ZSCAN1: variants seen among roughly 807,000 people sequenced by gnomAD.
ZSCAN1 encodes the protein zinc finger and SCAN domain-containing protein 1.
In ZSCAN1, 23 loss-of-function variants were observed where a neutral mutation model predicts 23.8. That is an observed-to-expected ratio of 0.97 (90% CI 0.70 to 1.37). The LOEUF is 1.37. Among genes scored for constraint, ZSCAN1 ranks in the 40% most tolerant of loss-of-function variants. The pLI, the probability that ZSCAN1 is intolerant of heterozygous loss-of-function variation, is 0.00. For missense variants in ZSCAN1, 575 were observed against 554.0 expected (o/e 1.04, Z -0.38); for synonymous variants, 236 against 232.3 (o/e 1.02, Z -0.15).
At position 58,054,207 on chromosome 19, in the gene ZSCAN1, C is replaced by T; in HGVS notation, c.*156C>T. The T allele has an allele frequency of 9.4e-7, 1 of 1,061,578 alleles. No individual in the cohort carries two copies. The highest frequency in any genetic ancestry group is 1.3e-6 in the Non-Finnish European group (1 of 771,570). 65.8% of individuals were successfully genotyped at this position (1,061,578 alleles called of 1,614,324 possible). A position where few individuals can be genotyped will look rare whatever the true frequency, so the allele number is the denominator to read the frequency against. ...GCTGTTTCTCGGAAGACCCTGGACA[C>T]CTGCTCCGAAGCCAAGCACGGGATG... On this transcript the variant is annotated 3_prime_UTR_variant, in exon 6 of 6. Coordinates refer to ENST00000282326, the MANE Select transcript of ZSCAN1 (RefSeq NM_182572.4). This position sits in a 1 kb window ranked among gnomAD's most constrained non-coding sequence, Gnocchi z 4.2.
chr19:58,045,628 A>C lies in ZSCAN1; in HGVS notation c.465+5084A>C, dbSNP rs932133139. 4.2e-6 allele frequency: 4 copies of C among 951,526 alleles called. No homozygotes were observed. Among genetic ancestry groups the C allele is most frequent in the Non-Finnish European group, 5.2e-6 (3 of 575,850 alleles). 58.9% of individuals were successfully genotyped at this position (951,526 alleles called of 1,614,324 possible). A position where few individuals can be genotyped will look rare whatever the true frequency, so the allele number is the denominator to read the frequency against. ...CCAGCTCACGATGCGGCTGCGCTCC[A>C]TAAAGGCAGAGGACAAGCTGTTTGC... is the stretch of plus-strand genomic sequence containing the variant. On this transcript the variant is annotated intron_variant, in intron 4 of 5. Transcript: ENST00000282326. The surrounding 1 kb of genome is among the most constrained non-coding windows in gnomAD (Gnocchi z 4.3).
chr19:58,037,902 G>A lies in ZSCAN1; in HGVS notation c.66G>A (p.Gln22=). The change falls in exon 3 of 6, where the codon CAG becomes CAA. Residue 22 remains glutamine, a synonymous_variant. Transcript: ENST00000282326. ...RRPQTPTPSE[Q]DADPGPASPR... The stretch of plus-strand genomic sequence containing the variant: ...CCCAGACCCCAACCCCGAGTGAGCA[G>A]GACGCAGACCCTGGGCCAGCAAGCC... 1 of 1,591,672 alleles carries A rather than the reference G, an allele frequency of 6.3e-7. No homozygotes were observed. Among genetic ancestry groups the A allele is most frequent in the Non-Finnish European group, 8.5e-7 (1 of 1,174,720 alleles).
At chr19:58,038,768 C>G (rs1326951142) in intron 3 of ZSCAN1, among the ~76,000 whole-genome samples, 2 of 152,256 alleles carry the variant, frequency 1.3e-5, no homozygotes, top group African/African-American at 2.4e-5. Flanking sequence ...CGTCGAGATT[C>G]CATCCACCCA....
intron 2 of ZSCAN1, among the ~76,000 whole-genome samples, chr19:58,037,016 T>C (rs1339135897): frequency 1.3e-5 from 2 of 152,088 alleles, no homozygotes; most frequent in African/African-American, 4.8e-5. Flanking sequence ...CTCTTCCCAC[T>C]TTCCCTCTCT....
rs1339562736 is a variant in ZSCAN1 at position 58,037,992 on chromosome 19, G to A, written c.156G>A (p.Pro52=). Residue 52 remains proline, a synonymous_variant, in exon 3 of 6, where the codon CCG becomes CCA. Coordinates refer to ENST00000282326, the MANE Select transcript of ZSCAN1 (RefSeq NM_182572.4). ...RQFQYHVASG[P]HLALGQLWTL... ...TCCAGTACCACGTGGCGAGCGGGCCGCACCTCGCGCTGGGCCAGCTCTGGA... is the reference window on the plus strand; with the variant it reads ...TCCAGTACCACGTGGCGAGCGGGCCACACCTCGCGCTGGGCCAGCTCTGGA... 10 of 1,608,392 alleles carry A rather than the reference G, an allele frequency of 6.2e-6. No homozygotes were observed. Among genetic ancestry groups the A allele is most frequent in the South Asian group, 3.3e-5 (3 of 90,974 alleles).
At chr19:58,054,844 A>G (rs1325483018), downstream of ZSCAN1, among the ~76,000 whole-genome samples, 1 of 152,034 alleles carries the variant, frequency 6.6e-6, no homozygotes, top group African/African-American at 2.4e-5. The surrounding 1 kb of genome is among the most constrained non-coding windows in gnomAD (Gnocchi z 4.2). Flanking sequence ...TTTGACTTAC[A>G]GAAGGATTTT....
Position 58,040,435 on chromosome 19 carries a change from C to A in ZSCAN1, c.371-15C>A, listed in dbSNP as rs2073779190. 6.2e-7 allele frequency: 1 copy of A among 1,613,082 alleles called. No individual in the cohort carries two copies. Among genetic ancestry groups the A allele is most frequent in the African/African-American group, 1.3e-5 (1 of 74,906 alleles). On this transcript the variant is annotated splice_polypyrimidine_tract_variant and intron_variant, in intron 3 of 5. Coordinates refer to ENST00000282326, the MANE Select transcript of ZSCAN1 (RefSeq NM_182572.4). The surrounding 1 kb of genome is among the most constrained non-coding windows in gnomAD (Gnocchi z 5.8). ...GAAGAACAGGCCCCTCTCACGATCC[C>A]TTTCTCCCGCACAGTTCTGGTATCT...
Position 58,053,382 on chromosome 19 carries a change from A to G in ZSCAN1, c.605-47A>G, listed in dbSNP as rs899278352. On this transcript the variant is annotated intron_variant, in intron 5 of 5. Transcript: ENST00000282326. This position sits in a 1 kb window ranked among gnomAD's most constrained non-coding sequence, Gnocchi z 5.8. Reference sequence around the variant, plus strand: ...CCCTGGGGAGCACAGGGAGATGCCAAGGCCATCCACTCACTACAGGTGACC... The same window carrying G: ...CCCTGGGGAGCACAGGGAGATGCCAGGGCCATCCACTCACTACAGGTGACC... 4 of 1,565,948 alleles carry G rather than the reference A, an allele frequency of 2.6e-6. No homozygotes were observed. In the African/African-American group the frequency reaches 5.4e-5, roughly 21 times the overall value.
intron 4 of ZSCAN1, among the ~76,000 whole-genome samples, chr19:58,050,357 A>G (rs1472726053): frequency 6.6e-6 from 1 of 151,014 alleles, no homozygotes; most frequent in Non-Finnish European, 1.5e-5. Flanking sequence ...AATCGCTTGA[A>G]CCCAGCGGGT....
At chr19:58,046,503 C>A in intron 4 of ZSCAN1, 1 of 904,826 alleles carries the variant, frequency 1.1e-6, no homozygotes, top group Non-Finnish European at 1.9e-6. Flanking sequence ...GGGAGAACGT[C>A]ATCAGTGTTG....
chr19:58,056,280 C>T (rs567376825), downstream of ZSCAN1, among the ~76,000 whole-genome samples: 10 of 152,358 alleles, frequency 6.6e-5, no homozygotes, highest in East Asian at 1.5e-3. Flanking sequence ...CAGCCCCCAG[C>T]ACTGGGATGG....
chr19:58,052,755 G>C (rs2073866210), intron 5 of ZSCAN1, 127 bp downstream of exon 5: 1 of 1,341,994 alleles, frequency 7.5e-7, no homozygotes, highest in Non-Finnish European at 1.0e-6. Context: ...CCCCCAGAAA[G>C]CATGCACACC....
In ZSCAN1 at chr19:58,045,569, G is replaced by A. The variant is rs1599905211; in HGVS notation, c.465+5025G>A. 1.7e-6 allele frequency: 2 copies of A among 1,198,800 alleles called. No individual in the cohort carries two copies. The highest frequency in any genetic ancestry group is 2.4e-4 in the Middle Eastern group (1 of 4,116). 74.3% of individuals were successfully genotyped at this position (1,198,800 alleles called of 1,614,324 possible). On this transcript the variant is annotated intron_variant, in intron 4 of 5. Coordinates refer to ENST00000282326, the MANE Select transcript of ZSCAN1 (RefSeq NM_182572.4). This position sits in a 1 kb window ranked among gnomAD's most constrained non-coding sequence, Gnocchi z 4.3. Reference sequence around the variant, plus strand: ...TGACACGGCCGCAGCTGGTGGCCCTGTGCAAGCTGCTGGAGCTACAGCTTC... The same window carrying A: ...TGACACGGCCGCAGCTGGTGGCCCTATGCAAGCTGCTGGAGCTACAGCTTC...
chr19:58,038,309 G>T (rs753356060), intron 3 of ZSCAN1, 103 bp downstream of exon 3: 1 of 1,286,422 alleles, frequency 7.8e-7, no homozygotes, highest in East Asian at 3.7e-5. Context: ...ACCCCTGCCC[G>T]GCCCCTCCCG....
rs752107070 is a variant in ZSCAN1, at chr19:58,053,396, C to T, written c.605-33C>T. 8 of 1,583,974 alleles carry T rather than the reference C, an allele frequency of 5.1e-6. No individual in the cohort carries two copies. The highest frequency in any genetic ancestry group is 3.4e-5 in the Admixed American group (2 of 58,556). On this transcript the variant is annotated intron_variant, in intron 5 of 5. Coordinates refer to ENST00000282326, the MANE Select transcript of ZSCAN1 (RefSeq NM_182572.4). The surrounding 1 kb of genome is among the most constrained non-coding windows in gnomAD (Gnocchi z 5.8). ...GGGAGATGCCAAGGCCATCCACTCACTACAGGTGACCCATCTCCCTCGCCC... is the reference window on the plus strand; with the variant it reads ...GGGAGATGCCAAGGCCATCCACTCATTACAGGTGACCCATCTCCCTCGCCC...
chr19:58,042,652 TAG>T (rs2073798121), intron 4 of ZSCAN1, among the ~76,000 whole-genome samples: 1 of 152,144 alleles, frequency 6.6e-6, no homozygotes, highest in Non-Finnish European at 1.5e-5. Context: ...CTAACCTGGG[TAG>T]ACCACAGTTG....
In ZSCAN1 at chr19:58,053,893, C is replaced by T; in HGVS notation, c.1069C>T (p.Pro357Ser). The change falls in exon 6 of 6, where the codon CCC (proline) becomes TCC (serine). Residue 357 changes from proline to serine, a missense_variant. By Grantham distance (74) the Pro-to-Ser change is moderately conservative. Coordinates refer to ENST00000282326, the MANE Select transcript of ZSCAN1 (RefSeq NM_182572.4). The surrounding 1 kb of genome is among the most constrained non-coding windows in gnomAD (Gnocchi z 5.8). ...GAAGAAAGCCCCCCGGAGCAAGGGC[C>T]CCCGGGAGTCCGTCCCACCCAGGGA... ...PRKKAPRSKG[P>S]RESVPPRDGA... The T allele has an allele frequency of 1.2e-6, 2 of 1,613,288 alleles. No individual in the cohort carries two copies. Among genetic ancestry groups the T allele is most frequent in the South Asian group, 2.2e-5 (2 of 91,068 alleles).
intron 3 of ZSCAN1, 124 bp downstream of exon 3, chr19:58,038,330 C>T: frequency 8.1e-7 from 1 of 1,234,334 alleles, no homozygotes; most frequent in Non-Finnish European, 1.1e-6. Context: ...ACCAGCAAAC[C>T]TCTCCTGCCC....
In ZSCAN1 at chr19:58,045,624, C is replaced by T. The variant is rs2073820234; in HGVS notation, c.465+5080C>T. 2 of 961,768 alleles carry T rather than the reference C, an allele frequency of 2.1e-6. No homozygotes were observed. Among genetic ancestry groups the T allele is most frequent in the Non-Finnish European group, 3.4e-6 (2 of 585,070 alleles). 59.6% of individuals were successfully genotyped at this position (961,768 alleles called of 1,614,324 possible). ...GCTTCCAGCTCACGATGCGGCTGCGCTCCATAAAGGCAGAGGACAAGCTGT... is the reference window on the plus strand; with the variant it reads ...GCTTCCAGCTCACGATGCGGCTGCGTTCCATAAAGGCAGAGGACAAGCTGT... On this transcript the variant is annotated intron_variant, in intron 4 of 5. Transcript: ENST00000282326. This position sits in a 1 kb window ranked among gnomAD's most constrained non-coding sequence, Gnocchi z 4.3.
Sources: gnomAD v4.1 joint callset for allele counts (sites outside exome capture counted in the v4.1 genomes callset) on GRCh38, gnomAD v4.1.1 for gene constraint, Gnocchi (gnomAD v3.1) non-coding constraint, MANE v1.5 for transcripts, NCBI Gene and HGNC (gene_info 2026-07-23, HGNC 2026-07-21) for gene names.